SYT16: variants seen among roughly 807,000 people sequenced by gnomAD.
SYT16 encodes synaptotagmin 16.
SYT16 carries 42 observed loss-of-function variants against 61.4 expected under a neutral mutation model. The ratio of observed to expected loss-of-function variants is 0.68; its 90% CI spans 0.53 to 0.89. SYT16 has a LOEUF of 0.89. SYT16 is among the 40% of genes least tolerant of loss of function. The pLI is 0.00. For synonymous variants in SYT16, 314 were observed against 302.3 expected (o/e 1.04, Z -0.40); for missense variants, 804 against 807.3 (o/e 1.00, Z 0.05).
At chr14:61,969,639 A>G (rs534337181) in intron 1 of SYT16, among the ~76,000 whole-genome samples, 43 of 152,334 alleles carry the variant, frequency 2.8e-4, no homozygotes, top group African/African-American at 7.7e-4. Context: ...GCAAAAATGT[A>G]TCCAGGAAAT....
intron 3 of SYT16, among the ~76,000 whole-genome samples, chr14:62,052,778 A>C (rs2055367573): frequency 1.3e-5 from 2 of 152,190 alleles, no homozygotes; most frequent in Admixed American, 6.5e-5. Context: ...CTGTCATGTG[A>C]GGATAAAAAG....
At chr14:61,992,350 G>T (rs1313797194) in intron 2 of SYT16, among the ~76,000 whole-genome samples, 1 of 152,112 alleles carries the variant, frequency 6.6e-6, no homozygotes, top group Non-Finnish European at 1.5e-5. Flanking sequence ...AGCGAGGAGT[G>T]GTAAGGAAAG....
chr14:61,965,992 TAA>T (rs1465840892), intron 1 of SYT16, among the ~76,000 whole-genome samples: 13 of 152,210 alleles, frequency 8.5e-5, no homozygotes, highest in African/African-American at 3.1e-4. Flanking sequence ...TAACGAAAAG[TAA>T]GCTGCATCAT....
chr14:62,082,725 C>T (rs1488046940), intron 6 of SYT16, among the ~76,000 whole-genome samples: 1 of 152,196 alleles, frequency 6.6e-6, no homozygotes, highest in Admixed American at 6.5e-5. Flanking sequence ...AGAAGGGATC[C>T]TGCGTGATAG....
At chr14:61,996,646 C>A in intron 3 of SYT16, 104 bp downstream of exon 3, 1 of 1,341,152 alleles carries the variant, frequency 7.5e-7, no homozygotes, top group South Asian at 1.5e-5. Flanking sequence ...ATTTTTCTCT[C>A]TCTTATACCT....
At chr14:61,943,244 C>T (rs2050280424) in intron 1 of SYT16, among the ~76,000 whole-genome samples, 1 of 152,112 alleles carries the variant, frequency 6.6e-6, no homozygotes, top group Admixed American at 6.6e-5. Context: ...TAATTAATAG[C>T]CTACCAACCA....
downstream of SYT16, among the ~76,000 whole-genome samples, chr14:62,112,756 T>C (rs1159576854): frequency 6.6e-6 from 1 of 152,178 alleles, no homozygotes; most frequent in East Asian, 1.9e-4. Context: ...CAGGGTGCTG[T>C]AGGCTTTTAT....
At position 62,101,721 on chromosome 14, in the gene SYT16, T is replaced by C. The variant is rs908185290; in HGVS notation, c.*1014T>C. ...TTTGATTGACTCTTCAAAGTGAACA[T>C]GTTATAACACCTGTGAATGGAGAAA... On this transcript the variant is annotated 3_prime_UTR_variant, in exon 8 of 8. Transcript: ENST00000683842. The C allele has an allele frequency of 6.6e-6, 1 of 152,212 alleles. No individual in the cohort carries two copies. The highest frequency in any genetic ancestry group is 2.4e-5 in the African/African-American group (1 of 41,456). The allele number at this position is 152,212 out of a possible 1,614,324, so 9.4% of individuals were successfully genotyped here.
intron 1 of SYT16, among the ~76,000 whole-genome samples, chr14:61,958,853 C>A (rs1018808463): frequency 6.6e-6 from 1 of 151,866 alleles, no homozygotes; most frequent in African/African-American, 2.4e-5. Context: ...AGGATATTGA[C>A]GTCTTTTATT....
At chr14:61,986,459 A>T (rs867212102) in intron 2 of SYT16, among the ~76,000 whole-genome samples, 171 of 149,898 alleles carry the variant, frequency 1.1e-3, no homozygotes, top group African/African-American at 4.0e-3. Context: ...ATATATATAT[A>T]TTTTTATTAT....
At chr14:61,950,096 G>T (rs2050610633) in intron 1 of SYT16, among the ~76,000 whole-genome samples, 1 of 152,158 alleles carries the variant, frequency 6.6e-6, no homozygotes, top group Admixed American at 6.5e-5. Flanking sequence ...GCCCCTTTCT[G>T]AAGTTATAAG....
At chr14:61,882,216 A>G (rs1229741860) in intron 1 of SYT16, among the ~76,000 whole-genome samples, 1 of 152,228 alleles carries the variant, frequency 6.6e-6, no homozygotes. Context: ...GAATGAACAA[A>G]GGATAATAAA....
intron 1 of SYT16, among the ~76,000 whole-genome samples, chr14:61,957,114 G>T (rs1202969913): frequency 6.6e-6 from 1 of 151,808 alleles, no homozygotes; most frequent in African/African-American, 2.4e-5. Context: ...GTCATTGTTA[G>T]TGTATAGAAG....
chr14:62,079,467 G>A, intron 5 of SYT16: 2 of 612,620 alleles, frequency 3.3e-6, no homozygotes, highest in Non-Finnish European at 4.6e-6. Flanking sequence ...AATAGAACAT[G>A]GAAAGGATTA....
chr14:61,967,770 G>T (rs572474675), intron 1 of SYT16, among the ~76,000 whole-genome samples: 98 of 152,292 alleles, frequency 6.4e-4, no homozygotes, highest in Middle Eastern at 3.4e-3. Flanking sequence ...GTGAACATAT[G>T]TACTTGAGGC....
chr14:61,829,539 A>T (rs1393094421), intron 1 of SYT16, among the ~76,000 whole-genome samples: 2 of 152,100 alleles, frequency 1.3e-5, no homozygotes, highest in Non-Finnish European at 2.9e-5. Flanking sequence ...CTGATAACAC[A>T]AATATTAGAT....
intron 1 of SYT16, among the ~76,000 whole-genome samples, chr14:61,933,749 G>GTACT (rs1178490760): frequency 6.6e-6 from 1 of 152,158 alleles, no homozygotes; most frequent in African/African-American, 2.4e-5. Context: ...ACACAGTGGA[G>GTACT]TACTGCCTAG....
At chr14:62,021,304 G>A (rs531121369) in intron 3 of SYT16, among the ~76,000 whole-genome samples, 2 of 152,272 alleles carry the variant, frequency 1.3e-5, no homozygotes, top group South Asian at 4.1e-4. Context: ...TTGTTCTGGT[G>A]TAAGTGTGGT....
chr14:62,096,727 A>G (rs2057287233), intron 7 of SYT16, among the ~76,000 whole-genome samples: 2 of 152,164 alleles, frequency 1.3e-5, no homozygotes, highest in African/African-American at 4.8e-5. Context: ...CAAATCCAAC[A>G]TAGTAATTAC....
Sources: gnomAD v4.1 joint callset for allele counts (sites outside exome capture counted in the v4.1 genomes callset) on GRCh38, gnomAD v4.1.1 for gene constraint, MANE v1.5 for transcripts, NCBI Gene and HGNC (gene_info 2026-07-23, HGNC 2026-07-21) for gene names.